Variants in GABBR2 observed in about 807,000 individuals in gnomAD.
GABBR2 encodes gamma-aminobutyric acid type B receptor subunit 2, also known as G-protein coupled receptor 51.
A neutral mutation model predicts 105.6 loss-of-function variants in GABBR2; 23 were observed. The observed-to-expected ratio is 0.22, with a 90% CI of 0.16 to 0.31. The LOEUF (loss-of-function observed/expected upper bound fraction) is 0.31. Ranked by LOEUF, GABBR2 falls within the 10% of genes least tolerant of loss-of-function variation. The pLI, the probability that GABBR2 is intolerant of heterozygous loss-of-function variation, is 1.00. For synonymous variants in GABBR2, 478 were observed against 499.7 expected (o/e 0.96, Z 0.58); for missense variants, 734 against 1,245.5 (o/e 0.59, Z 6.18).
At chr9:98,324,531 CACA>C in intron 13 of GABBR2, among the ~76,000 whole-genome samples, 1 of 140,088 alleles carries the variant, frequency 7.1e-6, no homozygotes, top group Non-Finnish European at 1.6e-5. Context: ...CACACACACA[CACA>C]CACACACAGA....
intron 3 of GABBR2, among the ~76,000 whole-genome samples, chr9:98,529,123 C>T (rs1930426): frequency 0.046 from 6,969 of 151,880 alleles, 243 homozygotes; most frequent in South Asian, 0.12. Flanking sequence ...CTGTCCCATC[C>T]CCGAATCCTT....
chr9:98,476,332 T>G (rs995277092), intron 5 of GABBR2, among the ~76,000 whole-genome samples: 6 of 152,350 alleles, frequency 3.9e-5, no homozygotes, highest in African/African-American at 1.4e-4. Flanking sequence ...ATACATTTTA[T>G]TTAGAACATT....
At chr9:98,355,577 A>T (rs1268011398) in intron 13 of GABBR2, among the ~76,000 whole-genome samples, 2 of 152,236 alleles carry the variant, frequency 1.3e-5, no homozygotes, top group Non-Finnish European at 2.9e-5. Flanking sequence ...ATAAAAAAAG[A>T]TCTAAATAAA....
chr9:98,348,274 A>T (rs536561263), intron 13 of GABBR2, among the ~76,000 whole-genome samples: 26 of 152,310 alleles, frequency 1.7e-4, no homozygotes, highest in African/African-American at 4.8e-4. Flanking sequence ...GGGGCTTTCT[A>T]TTCTGTTCCG....
chr9:98,650,854 T>G (rs950711211), intron 1 of GABBR2, among the ~76,000 whole-genome samples: 1 of 152,150 alleles, frequency 6.6e-6, no homozygotes, highest in African/African-American at 2.4e-5. Flanking sequence ...TTACATGAGG[T>G]TCCTAAAGCA....
intron 6 of GABBR2, among the ~76,000 whole-genome samples, chr9:98,472,344 C>CTT (rs1012387809): frequency 3.9e-5 from 6 of 152,182 alleles, no homozygotes; most frequent in African/African-American, 1.4e-4. Flanking sequence ...TTACTTGGTC[C>CTT]TCGCAATAGC....
intron 1 of GABBR2, among the ~76,000 whole-genome samples, chr9:98,655,840 TG>T (rs754699054): frequency 3.7e-4 from 56 of 151,992 alleles, no homozygotes; most frequent in African/African-American, 1.4e-3. Context: ...CTTTTGGGGA[TG>T]GGGGGCTACA....
chr9:98,559,534 GATTT>G (rs796269869), intron 2 of GABBR2, among the ~76,000 whole-genome samples: 4 of 152,304 alleles, frequency 2.6e-5, no homozygotes, highest in African/African-American at 9.6e-5. Context: ...TTCACAAAGA[GATTT>G]ATTTATTCTA....
At chr9:98,587,563 G>C (rs747457694) in intron 1 of GABBR2, among the ~76,000 whole-genome samples, 2 of 152,204 alleles carry the variant, frequency 1.3e-5, no homozygotes, top group Non-Finnish European at 2.9e-5. Context: ...GTGATAGTGA[G>C]AGCCAGACCC....
intron 3 of GABBR2, among the ~76,000 whole-genome samples, chr9:98,509,305 C>A (rs1827584929): frequency 6.6e-6 from 1 of 152,108 alleles, no homozygotes; most frequent in South Asian, 2.1e-4. Flanking sequence ...GTAGATAAAA[C>A]CACAAAGATG....
At chr9:98,345,333 C>T (rs1046922874) in intron 13 of GABBR2, among the ~76,000 whole-genome samples, 1 of 152,174 alleles carries the variant, frequency 6.6e-6, no homozygotes, top group Non-Finnish European at 1.5e-5. Flanking sequence ...GTTTAAACTC[C>T]TCTTCTTAGC....
At chr9:98,310,907 G>A (rs986239472) in intron 14 of GABBR2, among the ~76,000 whole-genome samples, 188 bp downstream of exon 14, 26 of 152,306 alleles carry the variant, frequency 1.7e-4, no homozygotes, top group Admixed American at 1.0e-3. Context: ...AAATGAGGAT[G>A]TTATTTGTAC....
At chr9:98,352,619 G>A (rs1236336962) in intron 13 of GABBR2, among the ~76,000 whole-genome samples, 1 of 152,100 alleles carries the variant, frequency 6.6e-6, no homozygotes, top group Non-Finnish European at 1.5e-5. Context: ...GGACAGACTG[G>A]TCCTCAAGAT....
At chr9:98,297,814 G>A (rs953612735) in intron 17 of GABBR2, among the ~76,000 whole-genome samples, 1 of 150,148 alleles carries the variant, frequency 6.7e-6, no homozygotes, top group African/African-American at 2.5e-5. Flanking sequence ...TTGAGGTCAG[G>A]AGTTCCAGAC....
intron 6 of GABBR2, among the ~76,000 whole-genome samples, chr9:98,455,147 T>C (rs1159706879): frequency 2.0e-5 from 3 of 152,220 alleles, no homozygotes; most frequent in Non-Finnish European, 4.4e-5. Context: ...TAGGCCAGCA[T>C]TGAAAAAAAG....
intron 3 of GABBR2, among the ~76,000 whole-genome samples, chr9:98,510,757 C>A (rs1827622224): frequency 6.6e-6 from 1 of 151,858 alleles, no homozygotes; most frequent in African/African-American, 2.4e-5. Context: ...ACAGGAGCAC[C>A]CAGATTCATA....
chr9:98,602,741 T>A (rs1000374392), intron 1 of GABBR2, among the ~76,000 whole-genome samples: 9 of 152,114 alleles, frequency 5.9e-5, no homozygotes, highest in African/African-American at 1.9e-4. Flanking sequence ...GGAAAGAGAG[T>A]GCAAGTTCTC....
At chr9:98,614,625 AG>A (rs1159654276) in intron 1 of GABBR2, among the ~76,000 whole-genome samples, 1 of 152,240 alleles carries the variant, frequency 6.6e-6, no homozygotes, top group Non-Finnish European at 1.5e-5. Context: ...GTCTACATAA[AG>A]CTTAAAAATA....
intron 3 of GABBR2, among the ~76,000 whole-genome samples, chr9:98,528,444 G>T (rs373862299): frequency 3.3e-5 from 5 of 151,928 alleles, no homozygotes; most frequent in African/African-American, 1.2e-4. Flanking sequence ...ATGGAAAGGT[G>T]AAAAAAATGG....
Sources: allele counts gnomAD v4.1 joint callset (sites outside exome capture counted in the v4.1 genomes callset), GRCh38; gene constraint gnomAD v4.1.1; transcripts MANE v1.5; gene names NCBI Gene and HGNC (gene_info 2026-07-23, HGNC 2026-07-21).